Variants in ZNF536 observed in about 807,000 individuals in gnomAD.
The protein encoded by ZNF536 is zinc finger protein 536.
ZNF536 carries 13 observed loss-of-function variants against 84.5 expected under a neutral mutation model. The ratio of observed to expected loss-of-function variants is 0.15; its 90% CI spans 0.10 to 0.24. ZNF536 has a LOEUF of 0.24. Ranked by LOEUF, ZNF536 falls within the 10% of genes least tolerant of loss-of-function variation. The pLI, the probability that ZNF536 is intolerant of heterozygous loss-of-function variation, is 1.00. For synonymous variants in ZNF536, 811 were observed against 742.5 expected (o/e 1.09, Z -1.50); for missense variants, 1,536 against 1,747.5 (o/e 0.88, Z 2.16).
intron 1 of ZNF536, among the ~76,000 whole-genome samples, chr19:30,664,940 A>G (rs2050261932): frequency 6.6e-6 from 1 of 152,260 alleles, no homozygotes; most frequent in Non-Finnish European, 1.5e-5. Context: ...TAAATAGGTC[A>G]CAATAGTGCC....
At chr19:30,379,336 G>A (rs572799037) in intron 1 of ZNF536, among the ~76,000 whole-genome samples, 3 of 152,026 alleles carry the variant, frequency 2.0e-5, no homozygotes, top group Non-Finnish European at 2.9e-5. Context: ...TGTGCTGCCC[G>A]GCATGATGAC....
rs150634647 is a variant in ZNF536, at chr19:30,453,702, C to T, written c.2170+7970C>T. On this transcript the variant is annotated intron_variant, in intron 2 of 4. Transcript: ENST00000355537. Reference sequence around the variant, plus strand: ...AAGACTGCAGAGTCCCAAAACAATGCGTGTCTGAACAAACACCATCTTCAG... The same window carrying T: ...AAGACTGCAGAGTCCCAAAACAATGTGTGTCTGAACAAACACCATCTTCAG... Among the ~76,000 whole-genome samples, 263 of 152,330 alleles carry T rather than the reference C, an allele frequency of 1.7e-3. 1 individual carries two copies. The highest frequency in any genetic ancestry group is 5.7e-3 in the African/African-American group (236 of 41,580).
intron 2 of ZNF536, among the ~76,000 whole-genome samples, chr19:30,523,767 G>A (rs540650792): frequency 2.6e-5 from 4 of 152,282 alleles, no homozygotes; most frequent in Admixed American, 1.3e-4. Context: ...AGTGCCAAGG[G>A]TCTCTGGATG....
intron 1 of ZNF536, among the ~76,000 whole-genome samples, chr19:30,581,047 A>G (rs1203060589): frequency 1.3e-5 from 2 of 152,268 alleles, no homozygotes; most frequent in African/African-American, 4.8e-5. Flanking sequence ...TAGAAACTCC[A>G]AAATCTGATA....
chr19:30,274,402 CATA>C (rs1568295491), intron 1 of ZNF536, among the ~76,000 whole-genome samples: 1 of 152,232 alleles, frequency 6.6e-6, no homozygotes, highest in East Asian at 1.9e-4. Context: ...TCAGTGTATC[CATA>C]ATATTATCAT....
chr19:30,545,964 T>G (rs2146131357), intron 3 of ZNF536, among the ~76,000 whole-genome samples: 1 of 152,346 alleles, frequency 6.6e-6, no homozygotes, highest in South Asian at 2.1e-4. Flanking sequence ...TCTGCAGGCT[T>G]TCATCGCCTG....
At position 30,548,547 on chromosome 19, in the gene ZNF536, G is replaced by C. The variant is rs2045645590; in HGVS notation, c.2928G>C (p.Leu976=). 2.5e-6 allele frequency: 4 copies of C among 1,614,010 alleles called. No homozygotes were observed. The African/African-American group carries it at 5.3e-5, about 22-fold the overall frequency. Residue 976 remains leucine, a synonymous_variant, in exon 4 of 5, where the codon CTG becomes CTC. Transcript: ENST00000355537. ...CCGAGAAATCTCAGTATGAACCCCT[G>C]GACTTGTCTGTGCGGCCAGATGCCG... ...RKSEKSQYEP[L]DLSVRPDAAS...
intron 3 of ZNF536, among the ~76,000 whole-genome samples, chr19:30,356,793 C>T (rs1194574161): frequency 3.9e-5 from 6 of 152,190 alleles, no homozygotes; most frequent in South Asian, 2.1e-4. Flanking sequence ...TCCCAAATCC[C>T]CTAGCAGGTA....
chr19:30,610,534 C>T (rs994001030), intron 1 of ZNF536, among the ~76,000 whole-genome samples: 1 of 152,130 alleles, frequency 6.6e-6, no homozygotes, highest in Non-Finnish European at 1.5e-5. Context: ...GTGAGGTATT[C>T]CCATTCAATT....
chr19:30,628,421 C>T lies in ZNF536; in HGVS notation c.169+78907C>T, dbSNP rs1051997537. Among the ~76,000 whole-genome samples, 5 of 137,354 alleles carry T rather than the reference C, an allele frequency of 3.6e-5. No individual in the cohort carries two copies. The East Asian group carries it at 9.0e-4, about 25-fold the overall frequency. 90.1% of individuals were successfully genotyped at this position (137,354 alleles called of 152,430 possible). ...GCACGCTGCAGAGCTCCAGCTCATC[C>T]AGTAGTCACTTTTTTTTTTTTTTTT... On this transcript the variant is annotated intron_variant, in intron 1 of 1. Transcript: ENST00000592773.
At chr19:30,616,631 C>A (rs115400317) in intron 1 of ZNF536, among the ~76,000 whole-genome samples, 1 of 152,016 alleles carries the variant, frequency 6.6e-6, no homozygotes, top group East Asian at 1.9e-4. Context: ...TTAATATTTT[C>A]GTCAGGTTTG....
intron 1 of ZNF536, among the ~76,000 whole-genome samples, chr19:30,388,647 C>A (rs1223804413): frequency 6.6e-6 from 1 of 152,208 alleles, no homozygotes; most frequent in South Asian, 2.1e-4. Context: ...AGGTCTAAAC[C>A]CTCACGGTGT....
chr19:30,502,830 T>A (rs2055005714), intron 2 of ZNF536, among the ~76,000 whole-genome samples: 1 of 152,046 alleles, frequency 6.6e-6, no homozygotes, highest in Non-Finnish European at 1.5e-5. Flanking sequence ...CTGCCCCCTG[T>A]CCCATTTAAA....
At chr19:30,269,027 C>T (rs1172536001) in intron 1 of ZNF536, among the ~76,000 whole-genome samples, 4 of 152,342 alleles carry the variant, frequency 2.6e-5, no homozygotes, top group Middle Eastern at 3.4e-3. Context: ...ATGCAAGTCC[C>T]GCTCAGGTTA....
chr19:30,676,565 A>G (rs573414208), intron 1 of ZNF536, among the ~76,000 whole-genome samples: 2 of 152,374 alleles, frequency 1.3e-5, no homozygotes, highest in South Asian at 2.1e-4. Flanking sequence ...AAAATTATTC[A>G]TGTAGATTTT....
intron 1 of ZNF536, among the ~76,000 whole-genome samples, chr19:30,590,889 G>T (rs984116017): frequency 2.6e-5 from 4 of 152,220 alleles, no homozygotes; most frequent in Non-Finnish European, 4.4e-5. Context: ...AAGGATGGTT[G>T]CTAACCTTCC....
At chr19:30,711,510 G>C (rs1014953199) in exon 2 of ZNF536, 5 of 152,294 alleles carry the variant, frequency 3.3e-5, no homozygotes, top group South Asian at 4.1e-4. Flanking sequence ...AGACTGGAGC[G>C]GTCACTGCAG....
At chr19:30,360,976 G>T (rs889774973) in intron 3 of ZNF536, among the ~76,000 whole-genome samples, 2 of 152,162 alleles carry the variant, frequency 1.3e-5, no homozygotes, top group African/African-American at 4.8e-5. Context: ...TCACAGCCCT[G>T]CTGCTTAATA....
intron 1 of ZNF536, among the ~76,000 whole-genome samples, chr19:30,415,837 C>G (rs1047502835): frequency 6.6e-6 from 1 of 152,176 alleles, no homozygotes; most frequent in Non-Finnish European, 1.5e-5. Flanking sequence ...GTCTCGATCT[C>G]CTGACCTCGT....
Sources: gnomAD v4.1 joint callset for allele counts (sites outside exome capture counted in the v4.1 genomes callset) on GRCh38, gnomAD v4.1.1 for gene constraint, MANE v1.5 for transcripts, NCBI Gene and HGNC (gene_info 2026-07-23, HGNC 2026-07-21) for gene names.